RANBP17: variants seen among roughly 807,000 people sequenced by gnomAD.
RANBP17 encodes the protein RAN binding protein 17.
A neutral mutation model predicts 141.2 loss-of-function variants in RANBP17; 158 were observed. The ratio of observed to expected loss-of-function variants is 1.12; its 90% CI spans 0.98 to 1.28. The LOEUF (loss-of-function observed/expected upper bound fraction) is 1.28, where lower values mean the gene tolerates loss of function less well. Ranked by LOEUF, RANBP17 falls within the 50% of genes most tolerant of loss-of-function variation. The pLI, the probability that RANBP17 is intolerant of heterozygous loss-of-function variation, is 0.00. For synonymous variants in RANBP17, 430 were observed against 450.0 expected (o/e 0.96, Z 0.56); for missense variants, 1,438 against 1,290.7 (o/e 1.11, Z -1.75).
chr5:171,243,821 C>G (rs1008965096), intron 24 of RANBP17, among the ~76,000 whole-genome samples: 7 of 150,536 alleles, frequency 4.7e-5, no homozygotes, highest in Non-Finnish European at 1.5e-5. Context: ...AGCCTGTAAT[C>G]CCAGCACTTT....
intron 14 of RANBP17, among the ~76,000 whole-genome samples, chr5:171,003,934 G>A (rs1307738405): frequency 7.2e-5 from 11 of 152,192 alleles, no homozygotes; most frequent in Non-Finnish European, 4.4e-5. Context: ...AAGAGTGTAT[G>A]GGTTGGGCAC....
intron 14 of RANBP17, among the ~76,000 whole-genome samples, chr5:170,976,726 G>C (rs1777401910): frequency 6.6e-6 from 1 of 151,694 alleles, no homozygotes; most frequent in Non-Finnish European, 1.5e-5. Flanking sequence ...GTAGTCAGGT[G>C]ATTTTTTGAC....
chr5:171,136,020 A>G (rs1581709672), intron 14 of RANBP17, among the ~76,000 whole-genome samples: 1 of 152,232 alleles, frequency 6.6e-6, no homozygotes, highest in Admixed American at 6.5e-5. Context: ...ATGTGAGGAC[A>G]GGTGCTATGA....
At chr5:170,867,290 A>G (rs1767341528) in intron 1 of RANBP17, 1 of 152,188 alleles carries the variant, frequency 6.6e-6, no homozygotes, top group South Asian at 2.1e-4. Context: ...ATTAATCTTG[A>G]GGAATTTATG....
At chr5:171,280,595 C>G (rs1767795051) in intron 25 of RANBP17, among the ~76,000 whole-genome samples, 1 of 152,142 alleles carries the variant, frequency 6.6e-6, no homozygotes, top group South Asian at 2.1e-4. Context: ...AAAGTTTAAC[C>G]AGCAGTAGCC....
chr5:171,118,419 T>C (rs1015877815), intron 14 of RANBP17, among the ~76,000 whole-genome samples: 4 of 152,212 alleles, frequency 2.6e-5, no homozygotes, highest in Non-Finnish European at 5.9e-5. Flanking sequence ...GATTTTTTTT[T>C]CTATTTCTGT....
rs190772840 is a variant in RANBP17, at chr5:171,137,133, G to T, written c.1711-32997G>T. 5.3e-5 allele frequency among the ~76,000 whole-genome samples: 8 copies of T among 152,252 alleles called. No homozygotes were observed. The East Asian group carries it at 1.5e-3, about 29-fold the overall frequency. The stretch of plus-strand genomic sequence containing the variant: ...GGGTTTTAAGACTTCTTTTTAAACT[G>T]GATAGGAATTTAACTTGCCTATACT... On this transcript the variant is annotated intron_variant, in intron 14 of 27. Coordinates refer to ENST00000523189, the MANE Select transcript of RANBP17 (RefSeq NM_022897.5).
chr5:171,213,649 C>T lies in RANBP17; in HGVS notation c.2250C>T (p.Pro750=). The T allele has an allele frequency of 6.2e-7, 1 of 1,613,542 alleles. No individual in the cohort carries two copies. The highest frequency in any genetic ancestry group is 8.5e-7 in the Non-Finnish European group (1 of 1,179,522). ...ATAAAAGGTACCCAACGTACCTTCC[C>T]CTTCTTCAGAATGCTGTTGAACGGT... The part of the protein sequence containing the change: ...LFDWMYPTYL[P]LLQNAVERWY... Residue 750 remains proline (P), a synonymous_variant, in exon 21 of 28, where the codon CCC becomes CCT. Coordinates refer to ENST00000523189, the MANE Select transcript of RANBP17 (RefSeq NM_022897.5).
rs553318675 is a variant in RANBP17 at position 170,909,950 on chromosome 5, G to T, written c.594+185G>T. The stretch of plus-strand genomic sequence containing the variant: ...CAAAAAATTCACTTTTACTCACTGG[G>T]CATATGATAAGGTGAAATCCAAAGG... On this transcript the variant is annotated intron_variant, in intron 6 of 27. Coordinates refer to ENST00000523189, the MANE Select transcript of RANBP17 (RefSeq NM_022897.5). The T allele has an allele frequency of 9.2e-6, 4 of 436,156 alleles. No individual in the cohort carries two copies. The East Asian group carries it at 1.5e-4, about 17-fold the overall frequency. 27.0% of individuals were successfully genotyped at this position (436,156 alleles called of 1,614,324 possible).
At chr5:171,256,401 T>A (rs557199362) in intron 24 of RANBP17, among the ~76,000 whole-genome samples, 1 of 152,348 alleles carries the variant, frequency 6.6e-6, no homozygotes, top group South Asian at 2.1e-4. Context: ...CTATTAAAGT[T>A]GGTTTATTTG....
In RANBP17 at chr5:170,897,198, C is replaced by T. The variant is rs557052541; in HGVS notation, c.489+1083C>T. On this transcript the variant is annotated intron_variant, in intron 5 of 27. Coordinates refer to ENST00000523189, the MANE Select transcript of RANBP17 (RefSeq NM_022897.5). ...ACTTATGGCTCCGGAAATAATTGGGCTGTGGATCACAAAGTTTTTGGCAGT... is the reference window on the plus strand; with the variant it reads ...ACTTATGGCTCCGGAAATAATTGGGTTGTGGATCACAAAGTTTTTGGCAGT... The T allele has an allele frequency of 5.0e-4, 357 of 708,316 alleles. 7 individuals are homozygous for T. The highest frequency in any genetic ancestry group is 4.6e-3 in the South Asian group (340 of 74,430). 43.9% of individuals were successfully genotyped at this position (708,316 alleles called of 1,614,324 possible).
chr5:170,909,976 G>A (rs113147813), intron 6 of RANBP17: 40 of 368,066 alleles, frequency 1.1e-4, no homozygotes, highest in African/African-American at 8.1e-4. Flanking sequence ...AATCCAAAGG[G>A]AATCTAATAA....
rs560248549 is a variant in RANBP17, at chr5:170,960,225, CAG to C, written c.1574+6525_1574+6526del. On this transcript the variant is annotated intron_variant, in intron 13 of 27. Transcript: ENST00000523189. ...TCTCTAATTTGTTGAGTGATAGTAACAGAAATTGCACACTTCTGTGGATAGGA... is the reference window on the plus strand; with the variant it reads ...TCTCTAATTTGTTGAGTGATAGTAACAAATTGCACACTTCTGTGGATAGGA... Among the ~76,000 whole-genome samples, 13 of 152,274 alleles carry C rather than the reference CAG, an allele frequency of 8.5e-5. No individual in the cohort carries two copies. In the South Asian group the frequency reaches 2.7e-3, roughly 32 times the overall value.
intron 14 of RANBP17, among the ~76,000 whole-genome samples, chr5:171,052,197 G>A (rs1782998735): frequency 1.3e-5 from 2 of 151,936 alleles, no homozygotes; most frequent in South Asian, 4.2e-4. Flanking sequence ...CTCCCTTTTT[G>A]TAGGTTATCT....
rs1762630069 is a variant in RANBP17, at chr5:171,207,217, T to C, written c.2231+1605T>C. The C allele has an allele frequency of 2.0e-5, 3 of 153,598 alleles. No homozygotes were observed. In the South Asian group the frequency reaches 6.2e-4, roughly 32 times the overall value. 9.5% of individuals were successfully genotyped at this position (153,598 alleles called of 1,614,324 possible). On this transcript the variant is annotated intron_variant, in intron 20 of 27. Transcript: ENST00000523189. ...TTTGAAAAATAATAAAAGTCTACTT[T>C]GGGCACTGTAATATCGATGGTGATC...
intron 21 of RANBP17, among the ~76,000 whole-genome samples, chr5:171,216,950 G>A (rs192103110): frequency 1.3e-5 from 2 of 152,262 alleles, no homozygotes; most frequent in East Asian, 3.9e-4. Context: ...GTACTTCATT[G>A]AATAGGAGTA....
chr5:170,863,007 CT>C (rs1311597442), intron 1 of RANBP17, among the ~76,000 whole-genome samples: 1 of 152,174 alleles, frequency 6.6e-6, no homozygotes, highest in Admixed American at 6.5e-5. Context: ...CTTTAAGATT[CT>C]TTGAGCCTCC....
chr5:171,164,705 C>T (rs527694733), intron 14 of RANBP17, among the ~76,000 whole-genome samples: 1 of 152,280 alleles, frequency 6.6e-6, no homozygotes, highest in African/African-American at 2.4e-5. Flanking sequence ...TAATCACTTT[C>T]CATATTTCAG....
At chr5:171,207,691 A>G (rs1439084153) in intron 20 of RANBP17, 1 of 152,200 alleles carries the variant, frequency 6.6e-6, no homozygotes, top group Non-Finnish European at 1.5e-5. Context: ...GTAGCAAATC[A>G]GCTTCCTTGG....
Sources: allele counts gnomAD v4.1 joint callset (sites outside exome capture counted in the v4.1 genomes callset), GRCh38; gene constraint gnomAD v4.1.1; transcripts MANE v1.5; gene names NCBI Gene and HGNC (gene_info 2026-07-23, HGNC 2026-07-21).